Variants in PHF14 observed in about 807,000 individuals in gnomAD.
PHF14 encodes PHD finger protein 14.
In PHF14, 55 loss-of-function variants were observed where a neutral mutation model predicts 117.9. That is an observed-to-expected ratio of 0.47 (90% CI 0.38 to 0.58). PHF14 has a LOEUF of 0.58. Ranked by LOEUF, PHF14 falls within the 20% of genes least tolerant of loss-of-function variation. PHF14 has a pLI of 0.00. For missense variants in PHF14, 978 were observed against 1,122.2 expected, an observed-to-expected ratio of 0.87 and a Z score of 1.84; for synonymous variants, 409 against 368.6, an observed-to-expected ratio of 1.11 and a Z score of -1.26.
At chr7:11,090,496 C>T (rs539053551) in intron 16 of PHF14, among the ~76,000 whole-genome samples, 1 of 152,130 alleles carries the variant, frequency 6.6e-6, no homozygotes, top group Non-Finnish European at 1.5e-5. Context: ...GCAAAATTGC[C>T]TGATTATATC....
At chr7:11,090,631 A>C (rs1247843051) in intron 16 of PHF14, among the ~76,000 whole-genome samples, 5 of 152,176 alleles carry the variant, frequency 3.3e-5, no homozygotes, top group Non-Finnish European at 7.3e-5. Flanking sequence ...AACTGTAAAG[A>C]AATTGTGGAA....
intron 16 of PHF14, among the ~76,000 whole-genome samples, chr7:11,088,584 A>T (rs1562460240): frequency 6.6e-6 from 1 of 151,848 alleles, no homozygotes; most frequent in Non-Finnish European, 1.5e-5. Flanking sequence ...GAAGAATTTC[A>T]TTTTCTTACT....
intron 5 of PHF14, among the ~76,000 whole-genome samples, chr7:11,019,183 G>A (rs368640277): frequency 5.9e-5 from 9 of 152,276 alleles, no homozygotes; most frequent in East Asian, 3.9e-4. Context: ...AGAGATACTG[G>A]CCTGTAGTTT....
At chr7:11,037,401 G>A (rs900247243) in intron 10 of PHF14, among the ~76,000 whole-genome samples, 3 of 152,060 alleles carry the variant, frequency 2.0e-5, no homozygotes, top group African/African-American at 7.2e-5. Context: ...TAAATAATTT[G>A]CCCAGGTTCA....
At chr7:11,021,329 A>G (rs908910213) in intron 5 of PHF14, among the ~76,000 whole-genome samples, 2 of 152,192 alleles carry the variant, frequency 1.3e-5, no homozygotes, top group African/African-American at 4.8e-5. Flanking sequence ...TCTTAATTAC[A>G]AAGTTATAAA....
rs926109745 is a variant in PHF14, at chr7:11,058,712, C to T, written c.2482-3079C>T. Among the ~76,000 whole-genome samples the T allele has an allele frequency of 9.9e-5, 15 of 152,240 alleles. No individual in the cohort carries two copies. The East Asian group carries it at 1.9e-3, about 20-fold the overall frequency. On this transcript the variant is annotated intron_variant, in intron 14 of 17. Coordinates refer to ENST00000634607, the MANE Select transcript of PHF14 (RefSeq NM_001007157.2). ...TGTTACAGTTTAGTTTAAGTATTTA[C>T]GTGCAATAAGAGATTTGCATTCTGA...
chr7:11,062,254 A>G lies in PHF14; in HGVS notation c.2654+169A>G, dbSNP rs536525886. ...TCATCCACTTCTTAACCTCTCACAC[A>G]TGGTTATACTCTGGATTTAAATGTA... is the stretch of plus-strand genomic sequence containing the variant. On this transcript the variant is annotated intron_variant, in intron 16 of 17. Transcript: ENST00000634607. The G allele has an allele frequency of 1.2e-5, 6 of 486,596 alleles. No individual in the cohort carries two copies. In the East Asian group the frequency reaches 2.0e-4, roughly 16 times the overall value. The allele number at this position is 486,596 out of a possible 1,614,324, so 30.1% of individuals were successfully genotyped here.
At chr7:11,003,459 A>G (rs901067846) in intron 4 of PHF14, among the ~76,000 whole-genome samples, 7 of 152,124 alleles carry the variant, frequency 4.6e-5, no homozygotes, top group African/African-American at 1.7e-4. Flanking sequence ...GATTTGAAAA[A>G]TCTTACTTTT....
rs180971512 is a variant in PHF14, at chr7:11,146,913, C to G, written c.2773-22503C>G. Among the ~76,000 whole-genome samples the G allele has an allele frequency of 2.7e-3, 407 of 152,262 alleles. 2 individuals carry two copies. The highest frequency in any genetic ancestry group is 4.0e-3 in the Non-Finnish European group (275 of 68,016). On this transcript the variant is annotated intron_variant, in intron 17 of 17. Transcript: ENST00000634607. ...CCAGGCTGGAGTCCAGTGGTGCGAT[C>G]ACAGCTCACTGCAGCCTCAACTTCC...
intron 16 of PHF14, among the ~76,000 whole-genome samples, chr7:11,088,737 G>T (rs1009386727): frequency 6.6e-6 from 1 of 151,908 alleles, no homozygotes; most frequent in Non-Finnish European, 1.5e-5. Context: ...TATTCCCACC[G>T]TAAATATATA....
At chr7:11,063,855 A>G (rs1409643332) in intron 16 of PHF14, 2 of 238,188 alleles carry the variant, frequency 8.4e-6, no homozygotes, top group East Asian at 3.6e-4. Flanking sequence ...AGTTTCTGTT[A>G]TGAAATTTTT....
At chr7:11,044,229 G>A (rs1454075737) in intron 13 of PHF14, among the ~76,000 whole-genome samples, 1 of 152,016 alleles carries the variant, frequency 6.6e-6, no homozygotes, top group African/African-American at 2.4e-5. Flanking sequence ...CTACCTGGGT[G>A]ATAGGGATCA....
intron 16 of PHF14, chr7:11,110,418 ATACTC>A (rs1787405701): frequency 4.8e-6 from 1 of 209,392 alleles, no homozygotes; most frequent in Non-Finnish European, 8.3e-6. Flanking sequence ...TATAAGATGT[ATACTC>A]TTTGTTATTT....
At chr7:11,092,977 T>TCTAA (rs1298427886) in intron 16 of PHF14, among the ~76,000 whole-genome samples, 2 of 152,150 alleles carry the variant, frequency 1.3e-5, no homozygotes, top group African/African-American at 2.4e-5. Context: ...GAAATAGCAC[T>TCTAA]TTGTCTGTTG....
chr7:10,987,571 C>T (rs2128309224), intron 3 of PHF14, among the ~76,000 whole-genome samples: 1 of 151,996 alleles, frequency 6.6e-6, no homozygotes, highest in South Asian at 2.1e-4. Flanking sequence ...CATATACTGT[C>T]ATTTATTCTT....
intron 4 of PHF14, among the ~76,000 whole-genome samples, chr7:10,995,732 G>A (rs985686586): frequency 6.6e-6 from 1 of 152,216 alleles, no homozygotes; most frequent in African/African-American, 2.4e-5. Flanking sequence ...GAATTTGAGA[G>A]CAGCGCCGGC....
chr7:10,999,166 A>G (rs1782768668), intron 4 of PHF14, among the ~76,000 whole-genome samples: 1 of 152,178 alleles, frequency 6.6e-6, no homozygotes, highest in South Asian at 2.1e-4. Flanking sequence ...TTAAAGGCAT[A>G]TGCCTGCCCT....
At chr7:11,160,083 G>A (rs1285829979) in intron 17 of PHF14, among the ~76,000 whole-genome samples, 1 of 151,944 alleles carries the variant, frequency 6.6e-6, no homozygotes, top group Non-Finnish European at 1.5e-5. Context: ...CCCCATTCTA[G>A]TAGTCTCCAG....
chr7:11,051,806 G>A (rs767717515), intron 14 of PHF14, 26 bp downstream of exon 14: 71 of 1,602,936 alleles, frequency 4.4e-5, no homozygotes, highest in Non-Finnish European at 5.3e-5. Context: ...TTTATCATAA[G>A]CATCATACAA....
Sources: allele counts gnomAD v4.1 joint callset (sites outside exome capture counted in the v4.1 genomes callset), GRCh38; gene constraint gnomAD v4.1.1; transcripts MANE v1.5; gene names NCBI Gene and HGNC (gene_info 2026-07-23, HGNC 2026-07-21).